Variants in ADAMTS12 observed in about 807,000 individuals in gnomAD.
The protein encoded by ADAMTS12 is ADAM metallopeptidase with thrombospondin type 1 motif 12.
ADAMTS12 carries 118 observed loss-of-function variants against 167.8 expected under a neutral mutation model. The ratio of observed to expected loss-of-function variants is 0.70; its 90% CI spans 0.61 to 0.82. The LOEUF (loss-of-function observed/expected upper bound fraction) is 0.82. Ranked by LOEUF, ADAMTS12 falls within the 40% of genes least tolerant of loss-of-function variation. The pLI, the probability that ADAMTS12 is intolerant of heterozygous loss-of-function variation, is 0.00. For synonymous variants in ADAMTS12, 704 were observed against 716.9 expected (o/e 0.98, Z 0.29); for missense variants, 1,916 against 1,998.8 (o/e 0.96, Z 0.79).
chr5:33,558,948 A>G (rs1056276873), intron 20 of ADAMTS12, among the ~76,000 whole-genome samples: 1 of 152,146 alleles, frequency 6.6e-6, no homozygotes, highest in Non-Finnish European at 1.5e-5. Context: ...GAAGGTGGTA[A>G]TTTTCTCAAG....
chr5:33,637,561 C>T lies in ADAMTS12; in HGVS notation c.1888+16G>A. 2.5e-6 allele frequency: 4 copies of T among 1,610,100 alleles called. No individual in the cohort carries two copies. The highest frequency in any genetic ancestry group is 1.3e-5 in the African/African-American group (1 of 74,892). ...GCTGTTCCCTAGATCTGAGATACAC[C>T]ATTACAGCTCCTTACCTGGGTTAAA... On this transcript the variant is annotated intron_variant, in intron 12 of 23. Coordinates refer to ENST00000504830, the MANE Select transcript of ADAMTS12 (RefSeq NM_030955.4).
chr5:33,543,281 T>C (rs1744798050), intron 22 of ADAMTS12, among the ~76,000 whole-genome samples: 1 of 152,174 alleles, frequency 6.6e-6, no homozygotes, highest in Non-Finnish European at 1.5e-5. Context: ...GATAAATTCT[T>C]GGACACATAC....
At chr5:33,764,531 T>C (rs990092714) in intron 2 of ADAMTS12, among the ~76,000 whole-genome samples, 1 of 152,206 alleles carries the variant, frequency 6.6e-6, no homozygotes, top group Admixed American at 6.5e-5. Flanking sequence ...GAACTGAACA[T>C]TGAGAGTCCA....
At chr5:33,564,666 C>T (rs376392939) in intron 19 of ADAMTS12, among the ~76,000 whole-genome samples, 4 of 152,210 alleles carry the variant, frequency 2.6e-5, no homozygotes, top group Middle Eastern at 3.2e-3. Flanking sequence ...TCACTCTCAT[C>T]TATTGGGCAC....
intron 20 of ADAMTS12, among the ~76,000 whole-genome samples, chr5:33,552,940 C>G (rs1410485976): frequency 6.6e-6 from 1 of 152,080 alleles, no homozygotes; most frequent in Non-Finnish European, 1.5e-5. Flanking sequence ...TGGGAGAAAA[C>G]TTTTGCAAAC....
chr5:33,797,112 A>C (rs544803409), intron 2 of ADAMTS12, among the ~76,000 whole-genome samples: 1 of 152,332 alleles, frequency 6.6e-6, no homozygotes, highest in African/African-American at 2.4e-5. Flanking sequence ...TAATATCCTG[A>C]TAACAAGAAT....
intron 3 of ADAMTS12, among the ~76,000 whole-genome samples, chr5:33,710,491 T>C (rs1331374248): frequency 6.6e-6 from 1 of 152,200 alleles, no homozygotes; most frequent in Non-Finnish European, 1.5e-5. Context: ...ACTCTCTCCC[T>C]TTGAAACAAA....
In ADAMTS12 at chr5:33,784,122, T is replaced by C. The variant is rs140109805; in HGVS notation, c.490-32574A>G. Among the ~76,000 whole-genome samples the C allele has an allele frequency of 7.1e-3, 1,077 of 151,876 alleles. 8 individuals carry two copies. The highest frequency in any genetic ancestry group is 0.025 in the African/African-American group (1,030 of 41,508). ...AACAAAAACCATATGACCCTCTCAATAGATGTAGAAAAGTCCTTGACAAAA... is the reference window on the plus strand; with the variant it reads ...AACAAAAACCATATGACCCTCTCAACAGATGTAGAAAAGTCCTTGACAAAA... On this transcript the variant is annotated intron_variant, in intron 2 of 23. Transcript: ENST00000504830.
chr5:33,565,400 C>A (rs949869466), intron 19 of ADAMTS12, among the ~76,000 whole-genome samples: 2 of 152,222 alleles, frequency 1.3e-5, no homozygotes, highest in Admixed American at 6.5e-5. Context: ...GATCCACCTG[C>A]CTCAGCCTCC....
At chr5:33,727,342 TCTC>T (rs1402563210) in intron 3 of ADAMTS12, among the ~76,000 whole-genome samples, 3 of 152,154 alleles carry the variant, frequency 2.0e-5, no homozygotes, top group African/African-American at 7.2e-5. Context: ...CCTTGTTTCT[TCTC>T]CTCCATGGAG....
chr5:33,834,975 A>C (rs1375791253), intron 2 of ADAMTS12, among the ~76,000 whole-genome samples: 1 of 152,170 alleles, frequency 6.6e-6, no homozygotes, highest in East Asian at 1.9e-4. Context: ...AACTCACTTG[A>C]CCGTGTGGCA....
chr5:33,829,194 A>G (rs371795760), intron 2 of ADAMTS12, among the ~76,000 whole-genome samples: 9 of 152,068 alleles, frequency 5.9e-5, no homozygotes, highest in African/African-American at 2.2e-4. Context: ...AGAGACTCAT[A>G]CTCATGAGCT....
Position 33,873,232 on chromosome 5 carries a change from C to T in ADAMTS12, c.489+7887G>A, listed in dbSNP as rs545620011. Among the ~76,000 whole-genome samples the T allele has an allele frequency of 7.3e-4, 108 of 147,890 alleles. No individual in the cohort carries two copies. In the Middle Eastern group the frequency reaches 0.015, roughly 20 times the overall value. ...AGTGATTGTACCCAGCCTTGAAGGACACAAGGTTAATAAAGTGAGTTGTTT... is the reference window on the plus strand; with the variant it reads ...AGTGATTGTACCCAGCCTTGAAGGATACAAGGTTAATAAAGTGAGTTGTTT... On this transcript the variant is annotated intron_variant, in intron 2 of 23. Coordinates refer to ENST00000504830, the MANE Select transcript of ADAMTS12 (RefSeq NM_030955.4).
At chr5:33,589,053 A>G (rs1747511156) in intron 17 of ADAMTS12, among the ~76,000 whole-genome samples, 1 of 152,256 alleles carries the variant, frequency 6.6e-6, no homozygotes. Flanking sequence ...AGAAAAAAAT[A>G]TATATGCATG....
At chr5:33,635,018 T>C (rs1740124463) in intron 12 of ADAMTS12, among the ~76,000 whole-genome samples, 1 of 152,124 alleles carries the variant, frequency 6.6e-6, no homozygotes, top group African/African-American at 2.4e-5. Context: ...TGCACCACTA[T>C]GCCTGGCTGT....
chr5:33,610,545 G>T lies in ADAMTS12; in HGVS notation c.2527+3693C>A, dbSNP rs183843076. ...CCCTGGAAAATTTAAAATATTCCAC[G>T]GCACCCTATGAGTTCACAGATTTAC... On this transcript the variant is annotated intron_variant, in intron 16 of 23. Coordinates refer to ENST00000504830, the MANE Select transcript of ADAMTS12 (RefSeq NM_030955.4). 5.9e-5 allele frequency among the ~76,000 whole-genome samples: 9 copies of T among 152,080 alleles called. No individual in the cohort carries two copies. In the East Asian group the frequency reaches 1.7e-3, roughly 29 times the overall value.
intron 3 of ADAMTS12, among the ~76,000 whole-genome samples, chr5:33,689,137 C>T (rs749314817): frequency 6.6e-6 from 1 of 152,138 alleles, no homozygotes; most frequent in Non-Finnish European, 1.5e-5. Context: ...CTATCAAGAG[C>T]CCAACTGGTG....
intron 2 of ADAMTS12, among the ~76,000 whole-genome samples, chr5:33,834,659 C>A (rs1748439128): frequency 6.6e-6 from 1 of 152,168 alleles, no homozygotes; most frequent in Non-Finnish European, 1.5e-5. Flanking sequence ...TCAGGTCAAT[C>A]CCTCTTAACC....
intron 2 of ADAMTS12, among the ~76,000 whole-genome samples, chr5:33,821,065 C>A (rs983440926): frequency 5.3e-5 from 8 of 152,138 alleles, no homozygotes; most frequent in Non-Finnish European, 1.2e-4. Context: ...GTACAACAAA[C>A]CTTCATGACA....
Sources: allele counts gnomAD v4.1 joint callset (sites outside exome capture counted in the v4.1 genomes callset), GRCh38; gene constraint gnomAD v4.1.1; transcripts MANE v1.5; gene names NCBI Gene and HGNC (gene_info 2026-07-23, HGNC 2026-07-21).